The following CREB3L1 variants were observed in gnomAD, a reference collection of about 807,000 sequenced individuals.
The protein encoded by CREB3L1 is cAMP responsive element binding protein 3 like 1, also known as cyclic AMP-responsive element-binding protein 3-like protein 1.
Under a neutral mutation model 54.5 loss-of-function variants are expected in CREB3L1, and 33 were observed. That is an observed-to-expected ratio of 0.61 (90% CI 0.46 to 0.81). The LOEUF (loss-of-function observed/expected upper bound fraction) is 0.81, where lower values mean the gene tolerates loss of function less well. CREB3L1 is among the 30% of genes least tolerant of loss of function. The pLI, the probability that CREB3L1 is intolerant of heterozygous loss-of-function variation, is 0.00. For missense variants in CREB3L1, 656 were observed against 673.3 expected, an observed-to-expected ratio of 0.97 and a Z score of 0.29; for synonymous variants, 284 against 286.4, an observed-to-expected ratio of 0.99 and a Z score of 0.08.
chr11:46,320,813 C>T lies in CREB3L1; in HGVS notation c.*67C>T, dbSNP rs1327455548. Reference sequence around the variant, plus strand: ...CAGAAGAGGAGTTCTTGCTCACTAACCCGGATCCGCCTCGTGCCCCTGCCT... The same window carrying T: ...CAGAAGAGGAGTTCTTGCTCACTAATCCGGATCCGCCTCGTGCCCCTGCCT... On this transcript the variant is annotated 3_prime_UTR_variant, in exon 12 of 12. Transcript: ENST00000621158. The T allele has an allele frequency of 3.9e-6, 6 of 1,527,934 alleles. No homozygotes were observed. In the African/African-American group the frequency reaches 8.3e-5, roughly 21 times the overall value. 94.6% of individuals were successfully genotyped at this position (1,527,934 alleles called of 1,614,324 possible). A position where few individuals can be genotyped will look rare whatever the true frequency, so the allele number is the denominator to read the frequency against.
chr11:46,285,647 G>A (rs79491179), intron 1 of CREB3L1, among the ~76,000 whole-genome samples: 3 of 152,286 alleles, frequency 2.0e-5, no homozygotes, highest in Non-Finnish European at 4.4e-5. Context: ...CGGGTTCAGT[G>A]TGCCTCCTCC....
At chr11:46,292,086 T>TG (rs750435361) in intron 1 of CREB3L1, among the ~76,000 whole-genome samples, 1 of 152,168 alleles carries the variant, frequency 6.6e-6, no homozygotes, top group Admixed American at 6.5e-5. Flanking sequence ...TGACAGGGTC[T>TG]GGGGGGACAG....
intron 8 of CREB3L1, 79 bp downstream of exon 8, chr11:46,312,998 C>A: frequency 9.1e-7 from 1 of 1,095,506 alleles, no homozygotes; most frequent in Non-Finnish European, 1.3e-6. Context: ...CTCTGGGAGA[C>A]AGGGGAGAGG....
Position 46,284,377 on chromosome 11 carries a change from A to G in CREB3L1, c.102+6164A>G, listed in dbSNP as rs182610407. ...TATTAGAAGGCTTTTCTGGCCAGGCATGGTAGCTCATGCCCATAATACCAA... is the reference window on the plus strand; with the variant it reads ...TATTAGAAGGCTTTTCTGGCCAGGCGTGGTAGCTCATGCCCATAATACCAA... On this transcript the variant is annotated intron_variant, in intron 1 of 11. Coordinates refer to ENST00000621158, the MANE Select transcript of CREB3L1 (RefSeq NM_052854.4). Among the ~76,000 whole-genome samples the G allele has an allele frequency of 3.3e-3, 502 of 152,254 alleles. 3 individuals are homozygous for G. The highest frequency in any genetic ancestry group is 0.011 in the African/African-American group (476 of 41,544).
At chr11:46,279,519 T>C (rs1458191483) in intron 1 of CREB3L1, among the ~76,000 whole-genome samples, 5 of 152,198 alleles carry the variant, frequency 3.3e-5, no homozygotes, top group African/African-American at 1.2e-4. Context: ...TTGCATTGAC[T>C]GCAGCGAGAC....
intron 1 of CREB3L1, among the ~76,000 whole-genome samples, chr11:46,279,981 G>A (rs959030746): frequency 1.3e-5 from 2 of 152,166 alleles, no homozygotes; most frequent in Non-Finnish European, 1.5e-5. Context: ...GGACACTGGG[G>A]AGGAAAAGCC....
At chr11:46,302,980 C>CA (rs974297720) in intron 2 of CREB3L1, among the ~76,000 whole-genome samples, 88 of 150,282 alleles carry the variant, frequency 5.9e-4, no homozygotes, top group African/African-American at 2.0e-3. Flanking sequence ...GATTCTGTCT[C>CA]AAAAAAAAAT....
At position 46,320,333 on chromosome 11, in the gene CREB3L1, T is replaced by C; in HGVS notation, c.1328T>C (p.Leu443Pro). The C allele has an allele frequency of 6.2e-7, 1 of 1,612,912 alleles. No homozygotes were observed. Among genetic ancestry groups the C allele is most frequent in the Non-Finnish European group, 8.5e-7 (1 of 1,179,496 alleles). ...TGGGAAGATGGCCGCAGCACCCTGC[T>C]GCCCATGGAGCCCCCAGATGGCTGG... ...GLWEDGRSTLLPMEPPDGWEI... is the reference protein window; with the variant it reads ...GLWEDGRSTLPPMEPPDGWEI... Residue 443 changes from leucine to proline, a missense_variant, in exon 11 of 12, where the codon CTG becomes CCG. Leu to Pro is a moderately conservative substitution (Grantham distance 98, BLOSUM62 -3). Coordinates refer to ENST00000621158, the MANE Select transcript of CREB3L1 (RefSeq NM_052854.4).
chr11:46,313,064 G>A, intron 8 of CREB3L1, 145 bp downstream of exon 8: 4 of 633,044 alleles, frequency 6.3e-6, no homozygotes, highest in Non-Finnish European at 5.4e-6. Flanking sequence ...TGCAGCCTTG[G>A]GCCACTTACA....
intron 2 of CREB3L1, among the ~76,000 whole-genome samples, chr11:46,304,425 C>G (rs186924917): frequency 6.6e-6 from 1 of 151,976 alleles, no homozygotes; most frequent in Non-Finnish European, 1.5e-5. Context: ...GAACTGAGAT[C>G]GCACCATTGC....
rs1002256517 is a variant in CREB3L1 at position 46,278,295 on chromosome 11, T to G, written c.102+82T>G. 2 of 808,148 alleles carry G rather than the reference T, an allele frequency of 2.5e-6. No individual in the cohort carries two copies. The highest frequency in any genetic ancestry group is 4.8e-5 in the Admixed American group (2 of 41,794). 50.1% of individuals were successfully genotyped at this position (808,148 alleles called of 1,614,324 possible). The stretch of plus-strand genomic sequence containing the variant: ...GCCTGGGCCCCTAGAAGGACCCGAC[T>G]ACACATCACTGGGCAGGAGCCGGGG... On this transcript the variant is annotated intron_variant, in intron 1 of 11. Coordinates refer to ENST00000621158, the MANE Select transcript of CREB3L1 (RefSeq NM_052854.4). The surrounding 1 kb of genome is among the most constrained non-coding windows in gnomAD (Gnocchi z 4.2).
intron 2 of CREB3L1, among the ~76,000 whole-genome samples, chr11:46,301,463 C>A (rs1939301150): frequency 6.6e-6 from 1 of 152,088 alleles, no homozygotes; most frequent in African/African-American, 2.4e-5. Context: ...CGTGATAAAA[C>A]CCCGTCTCTA....
At chr11:46,300,954 A>G (rs1408203215) in intron 2 of CREB3L1, among the ~76,000 whole-genome samples, 8 of 149,618 alleles carry the variant, frequency 5.3e-5, no homozygotes, top group Admixed American at 2.7e-4. Flanking sequence ...GCAGTGAGCC[A>G]AGATTGCGCC....
intron 1 of CREB3L1, among the ~76,000 whole-genome samples, chr11:46,288,145 C>G (rs1232532117): frequency 6.6e-6 from 1 of 151,942 alleles, no homozygotes; most frequent in Non-Finnish European, 1.5e-5. Flanking sequence ...TGCAATGGCG[C>G]GACCTCCACT....
chr11:46,299,833 C>A, intron 1 of CREB3L1, 102 bp from the exon 2 acceptor site: 1 of 777,626 alleles, frequency 1.3e-6, no homozygotes, highest in Non-Finnish European at 2.3e-6. Context: ...GTTGCAGGGA[C>A]AGTGGTGGCC....
In CREB3L1 at chr11:46,297,710, G is replaced by C. The variant is rs544408182; in HGVS notation, c.103-2225G>C. On this transcript the variant is annotated intron_variant, in intron 1 of 11. Transcript: ENST00000621158. ...TGCTGGCAAACTGGGAAGTGGGAGA[G>C]TACCCCTGCCAATGGGGCTTCTGAG... is the stretch of plus-strand genomic sequence containing the variant. Among the ~76,000 whole-genome samples the C allele has an allele frequency of 4.6e-5, 7 of 152,296 alleles. No individual in the cohort carries two copies. The East Asian group carries it at 1.3e-3, about 29-fold the overall frequency.
intron 8 of CREB3L1, among the ~76,000 whole-genome samples, chr11:46,314,569 T>C (rs1182560276): frequency 6.6e-6 from 1 of 152,104 alleles, no homozygotes; most frequent in African/African-American, 2.4e-5. Context: ...AGAGACGTGG[T>C]CTTGCTGTGT....
Position 46,277,962 on chromosome 11 carries a change from C to G in CREB3L1, c.-150C>G, listed in dbSNP as rs1393631195. ...GCCCCGCGCCCCCCACCCGGGGCCG[C>G]GCCGCCTCCGTCCGCCCCTCCCCCG... On this transcript the variant is annotated 5_prime_UTR_variant, in exon 1 of 12. Transcript: ENST00000621158. 3 of 418,872 alleles carry G rather than the reference C, an allele frequency of 7.2e-6. No individual in the cohort carries two copies. Among genetic ancestry groups the G allele is most frequent in the Admixed American group, 9.0e-5 (2 of 22,296 alleles). The allele number at this position is 418,872 out of a possible 1,614,324, so 25.9% of individuals were successfully genotyped here.
At chr11:46,291,453 T>C (rs1443698745) in intron 1 of CREB3L1, among the ~76,000 whole-genome samples, 3 of 152,186 alleles carry the variant, frequency 2.0e-5, no homozygotes, top group Admixed American at 6.5e-5. Context: ...AAGTAACTTG[T>C]CCAAAGCCTG....
Sources: allele counts gnomAD v4.1 joint callset (sites outside exome capture counted in the v4.1 genomes callset), GRCh38; gene constraint gnomAD v4.1.1; non-coding constraint Gnocchi (gnomAD v3.1); transcripts MANE v1.5; gene names NCBI Gene and HGNC (gene_info 2026-07-23, HGNC 2026-07-21).